Variants in DGKE observed in about 807,000 individuals in gnomAD.
DGKE encodes the protein DAG kinase epsilon.
In DGKE, 53 loss-of-function variants were observed where a neutral mutation model predicts 70.0. The observed-to-expected ratio is 0.76, with a 90% confidence interval of 0.61 to 0.95. DGKE has a LOEUF of 0.95. Ranked by LOEUF, DGKE falls within the 40% of genes least tolerant of loss-of-function variation. The pLI is 0.00. For synonymous variants in DGKE, 291 were observed against 257.0 expected (o/e 1.13, Z -1.27); for missense variants, 655 against 706.9 (o/e 0.93, Z 0.83).
At chr17:56,846,105 C>G (rs992757574) in intron 4 of DGKE, 1 of 190,336 alleles carries the variant, frequency 5.3e-6, no homozygotes, top group African/African-American at 2.3e-5. Flanking sequence ...TTCTCACAAA[C>G]ATTTGCATGA....
Position 56,863,344 on chromosome 17 carries a change from A to C in DGKE, c.*553A>C, listed in dbSNP as rs543048566. On this transcript the variant is annotated 3_prime_UTR_variant, in exon 12 of 12. Coordinates refer to ENST00000284061, the MANE Select transcript of DGKE (RefSeq NM_003647.3). ...ACCCCCAAAAGGAGAATAGTAAAAAAAGATCATACTTAAAATTTGTATTAC... is the reference window on the plus strand; with the variant it reads ...ACCCCCAAAAGGAGAATAGTAAAAACAGATCATACTTAAAATTTGTATTAC... The C allele has an allele frequency of 6.6e-6, 1 of 152,382 alleles. No homozygotes were observed. The highest frequency in any genetic ancestry group is 6.5e-5 in the Admixed American group (1 of 15,304). 9.4% of individuals were successfully genotyped at this position (152,382 alleles called of 1,614,324 possible). A position where few individuals can be genotyped will look rare whatever the true frequency, so the allele number is the denominator to read the frequency against.
intron 3 of DGKE, 79 bp downstream of exon 3, chr17:56,844,257 A>C: frequency 1.1e-6 from 1 of 944,304 alleles, no homozygotes; most frequent in Non-Finnish European, 1.5e-6. Context: ...TTAAGACAGT[A>C]TGTAAGAAGA....
At chr17:56,834,720 A>G (rs1013022161) in intron 1 of DGKE, 58 bp from the exon 2 acceptor site, 1 of 1,468,182 alleles carries the variant, frequency 6.8e-7, no homozygotes, top group Middle Eastern at 2.5e-4. Flanking sequence ...AAAGGCAGGA[A>G]GGGGGCGGGG....
In DGKE at chr17:56,865,942, G is replaced by C. The variant is rs942308619; in HGVS notation, c.*3151G>C. On this transcript the variant is annotated 3_prime_UTR_variant, in exon 12 of 12. Coordinates refer to ENST00000284061, the MANE Select transcript of DGKE (RefSeq NM_003647.3). ...AAAAAAGTCATTAGAATGGGTAATG[G>C]TTTTGTGTGGTTTTCCTTCAAAATG... 2 of 152,062 alleles carry C rather than the reference G, an allele frequency of 1.3e-5. No homozygotes were observed. The highest frequency in any genetic ancestry group is 6.6e-5 in the Admixed American group (1 of 15,262). 9.4% of individuals were successfully genotyped at this position (152,062 alleles called of 1,614,324 possible). A position where few individuals can be genotyped will look rare whatever the true frequency, so the allele number is the denominator to read the frequency against.
rs1263585731 is a variant in DGKE, at chr17:56,858,693, A to G, written c.1284+28A>G. ...AAGCTATTAACACTTTTTATTTTTT[A>G]AAGTTTTAGGTGGTCTCTGGATTAT... is the stretch of plus-strand genomic sequence containing the variant. On this transcript the variant is annotated intron_variant, in intron 9 of 11. Coordinates refer to ENST00000284061, the MANE Select transcript of DGKE (RefSeq NM_003647.3). 8 of 1,518,084 alleles carry G rather than the reference A, an allele frequency of 5.3e-6. No homozygotes were observed. The South Asian group carries it at 8.5e-5, about 16-fold the overall frequency. 94.0% of individuals were successfully genotyped at this position (1,518,084 alleles called of 1,614,324 possible). A position where few individuals can be genotyped will look rare whatever the true frequency, so the allele number is the denominator to read the frequency against.
intron 7 of DGKE, among the ~76,000 whole-genome samples, chr17:56,849,649 A>G (rs959704424): frequency 3.3e-5 from 5 of 152,254 alleles, no homozygotes; most frequent in African/African-American, 9.6e-5. Context: ...GATGAGGACA[A>G]TGCAAAGACA....
Position 56,843,104 on chromosome 17 carries a change from T to C in DGKE, c.465-915T>C, listed in dbSNP as rs973404095. 3.3e-5 allele frequency among the ~76,000 whole-genome samples: 5 copies of C among 152,244 alleles called. No homozygotes were observed. The East Asian group carries it at 5.8e-4, about 18-fold the overall frequency. On this transcript the variant is annotated intron_variant, in intron 2 of 11. Coordinates refer to ENST00000284061, the MANE Select transcript of DGKE (RefSeq NM_003647.3). ...TGGGGCATTTAAACAGCAAGGACTT[T>C]AGGCCTCATGAACCTACATTTCAGC...
Position 56,862,211 on chromosome 17 carries a change from T to C in DGKE, c.1484T>C (p.Leu495Pro). 1 of 1,614,226 alleles carries C rather than the reference T, an allele frequency of 6.2e-7. No individual in the cohort carries two copies. The highest frequency in any genetic ancestry group is 8.5e-7 in the Non-Finnish European group (1 of 1,180,040). ...CACTGTGCTCAGATTCAAGTAAAAC[T>C]GGCTAATCCTTTTCGAATAGGACAG... ...SFHCAQIQVK[L>P]ANPFRIGQAH... The change falls in exon 11 of 12, where the codon CTG becomes CCG. Residue 495 changes from leucine to proline, a missense_variant. Physicochemically the swap from Leu to Pro is moderately conservative, Grantham distance 98. Transcript: ENST00000284061.
intron 8 of DGKE, among the ~76,000 whole-genome samples, chr17:56,857,444 G>T (rs1908016061): frequency 6.6e-6 from 1 of 152,070 alleles, no homozygotes; most frequent in Admixed American, 6.6e-5. Flanking sequence ...TTTTAATAAC[G>T]TTCGGTGATT....
Position 56,847,933 on chromosome 17 carries a change from A to C in DGKE, c.756A>C (p.Val252=). The C allele has an allele frequency of 6.4e-7, 1 of 1,563,762 alleles. No individual in the cohort carries two copies. Among genetic ancestry groups the C allele is most frequent in the East Asian group, 2.3e-5 (1 of 43,344 alleles). Residue 252 remains valine, a synonymous_variant, in exon 5 of 12, where the codon GTA becomes GTC. Coordinates refer to ENST00000284061, the MANE Select transcript of DGKE (RefSeq NM_003647.3). Reference sequence around the variant, plus strand: ...TCTTTTGTTTCTAGGTTTTTGATGTAACTAAAACTCCTCCTATCAAAGCCC... The same window carrying C: ...TCTTTTGTTTCTAGGTTTTTGATGTCACTAAAACTCCTCCTATCAAAGCCC... ...ILLNPVQVFD[V]TKTPPIKALQ...
chr17:56,851,263 C>T (rs1307697555), intron 7 of DGKE, among the ~76,000 whole-genome samples: 1 of 152,132 alleles, frequency 6.6e-6, no homozygotes, highest in Non-Finnish European at 1.5e-5. Flanking sequence ...TTCCCCTTTC[C>T]CCAACTTCAC....
At chr17:56,840,021 G>A (rs540603274) in intron 2 of DGKE, among the ~76,000 whole-genome samples, 22 of 152,136 alleles carry the variant, frequency 1.4e-4, no homozygotes, top group Middle Eastern at 3.4e-3. Flanking sequence ...AAAATTAGCC[G>A]AGTGTGGTGG....
intron 2 of DGKE, among the ~76,000 whole-genome samples, chr17:56,836,752 C>CT (rs1405540609): frequency 6.6e-6 from 1 of 152,188 alleles, no homozygotes; most frequent in African/African-American, 2.4e-5. Flanking sequence ...GGTCCTAGTA[C>CT]TTTCTGGCCT....
At chr17:56,835,725 T>G (rs1304105579) in intron 2 of DGKE, 1 of 185,436 alleles carries the variant, frequency 5.4e-6, no homozygotes, top group Non-Finnish European at 1.1e-5. Flanking sequence ...TTATGTCTTT[T>G]GCTAATATAG....
intron 7 of DGKE, among the ~76,000 whole-genome samples, chr17:56,854,572 C>T (rs1335240818): frequency 6.6e-6 from 1 of 152,068 alleles, no homozygotes; most frequent in Non-Finnish European, 1.5e-5. Context: ...CCCTCAGCCT[C>T]CCAAAGTGCT....
Position 56,845,672 on chromosome 17 carries a change from C to A in DGKE, c.625-18C>A. 1 of 1,600,596 alleles carries A rather than the reference C, an allele frequency of 6.2e-7. No homozygotes were observed. Among genetic ancestry groups the A allele is most frequent in the Non-Finnish European group, 8.5e-7 (1 of 1,175,268 alleles). ...CTTTAAGATACTAAACCTTTTCACT[C>A]ATGGCAATTTTTTTTAGCTAGCCTC... On this transcript the variant is annotated intron_variant, in intron 3 of 11. Coordinates refer to ENST00000284061, the MANE Select transcript of DGKE (RefSeq NM_003647.3).
At chr17:56,841,989 G>T (rs576441962) in intron 2 of DGKE, among the ~76,000 whole-genome samples, 1 of 151,956 alleles carries the variant, frequency 6.6e-6, no homozygotes, top group South Asian at 2.1e-4. Context: ...TGTTTTTTGG[G>T]ACAGGGTCAG....
In DGKE at chr17:56,854,306, T is replaced by A. The variant is rs549428198; in HGVS notation, c.1099-2206T>A. 3.3e-5 allele frequency among the ~76,000 whole-genome samples: 5 copies of A among 152,072 alleles called. No individual in the cohort carries two copies. In the South Asian group the frequency reaches 6.2e-4, roughly 19 times the overall value. On this transcript the variant is annotated intron_variant, in intron 7 of 11. Coordinates refer to ENST00000284061, the MANE Select transcript of DGKE (RefSeq NM_003647.3). ...TCAAATTGCTAAAAGAGAGGTTTTT[T>A]GTTTTTGTTTTTTGTTTTTTTTGTG...
At position 56,862,185 on chromosome 17, in the gene DGKE, C is replaced by T. The variant is rs1908334190; in HGVS notation, c.1458C>T (p.Phe486=). The change falls in exon 11 of 12, where the codon TTC becomes TTT. Residue 486 remains phenylalanine (F), a synonymous_variant. Transcript: ENST00000284061. The stretch of plus-strand genomic sequence containing the variant: ...AAGTCGTTGGAGTATATGGGTCTTT[C>T]CACTGTGCTCAGATTCAAGTAAAAC... ...LLEVVGVYGS[F]HCAQIQVKLA... The T allele has an allele frequency of 6.2e-7, 1 of 1,614,034 alleles. No individual in the cohort carries two copies. The highest frequency in any genetic ancestry group is 8.5e-7 in the Non-Finnish European group (1 of 1,180,042).
Sources: gnomAD v4.1 joint callset for allele counts (sites outside exome capture counted in the v4.1 genomes callset) on GRCh38, gnomAD v4.1.1 for gene constraint, MANE v1.5 for transcripts, NCBI Gene and HGNC (gene_info 2026-07-23, HGNC 2026-07-21) for gene names.